The following LRIG1 variants were observed in gnomAD, a reference collection of about 807,000 sequenced individuals.
LRIG1 encodes leucine-rich repeats and immunoglobulin-like domains protein 1.
In LRIG1, 48 loss-of-function variants were observed where a neutral mutation model predicts 99.2. The ratio of observed to expected loss-of-function variants is 0.48; its 90% CI spans 0.38 to 0.62. LRIG1 has a LOEUF of 0.62. LRIG1 is among the 20% of genes least tolerant of loss of function. LRIG1 has a pLI of 0.00. For synonymous variants in LRIG1, 772 were observed against 596.1 expected (o/e 1.29, Z -4.30); for missense variants, 1,646 against 1,434.4 (o/e 1.15, Z -2.38).
At position 66,481,541 on chromosome 3, in the gene LRIG1, G is replaced by A. The variant is rs569001953; in HGVS notation, c.218+18649C>T. Among the ~76,000 whole-genome samples, 127 of 150,922 alleles carry A rather than the reference G, an allele frequency of 8.4e-4. 1 individual carries two copies. In the Middle Eastern group the frequency reaches 0.01, roughly 12 times the overall value. ...TATGTACACACACACACACACACAC[G>A]TGTATACACACACGCATGCACACAG... On this transcript the variant is annotated intron_variant, in intron 1 of 18. Coordinates refer to ENST00000273261, the MANE Select transcript of LRIG1 (RefSeq NM_015541.3).
chr3:66,453,860 C>T (rs1358757467), intron 2 of LRIG1, among the ~76,000 whole-genome samples: 1 of 152,222 alleles, frequency 6.6e-6, no homozygotes, highest in Non-Finnish European at 1.5e-5. Context: ...GGGGCTACGC[C>T]TGATGAGCCT....
intron 3 of LRIG1, among the ~76,000 whole-genome samples, chr3:66,445,104 T>C (rs1405640615): frequency 1.3e-5 from 2 of 152,062 alleles, no homozygotes; most frequent in Non-Finnish European, 2.9e-5. Flanking sequence ...CTGGGCCTTT[T>C]AAAACAGCTT....
Position 66,405,626 on chromosome 3 carries a change from G to T in LRIG1, c.1080-348C>A, listed in dbSNP as rs942082151. On this transcript the variant is annotated intron_variant, in intron 8 of 18. Coordinates refer to ENST00000273261, the MANE Select transcript of LRIG1 (RefSeq NM_015541.3). ...CCAGCACTGAGAATCAACCCAAAAGGTTCCTTAAGGCTCCCGTCTGCTCTC... is the reference window on the plus strand; with the variant it reads ...CCAGCACTGAGAATCAACCCAAAAGTTTCCTTAAGGCTCCCGTCTGCTCTC... The T allele has an allele frequency of 1.6e-5, 12 of 764,330 alleles. No individual in the cohort carries two copies. In the East Asian group the frequency reaches 4.2e-4, roughly 27 times the overall value. The allele number at this position is 764,330 out of a possible 1,614,324, so 47.3% of individuals were successfully genotyped here.
intron 1 of LRIG1, among the ~76,000 whole-genome samples, chr3:66,494,080 T>C (rs989563073): frequency 4.6e-5 from 7 of 152,184 alleles, no homozygotes; most frequent in East Asian, 3.9e-4. Flanking sequence ...GGATAATAAA[T>C]TGGAGCTACT....
Position 66,380,449 on chromosome 3 carries a change from G to C in LRIG1, c.3096C>G (p.Asp1032Glu). 2 of 1,614,174 alleles carry C rather than the reference G, an allele frequency of 1.2e-6. No homozygotes were observed. Among genetic ancestry groups the C allele is most frequent in the Non-Finnish European group, 1.7e-6 (2 of 1,180,034 alleles). The change falls in exon 19 of 19, where the codon GAC becomes GAG. Residue 1032 changes from aspartate (D) to glutamate (E), a missense_variant. By Grantham distance (45) the Asp-to-Glu change is conservative. Transcript: ENST00000273261. ...AAGATGCAGGCTGTAGCTCTGTGGAGTCCGGGTGATACAACCTTGCTAAAG... is the reference window on the plus strand; with the variant it reads ...AAGATGCAGGCTGTAGCTCTGTGGACTCCGGGTGATACAACCTTGCTAAAG... ...SWTLARLYHP[D>E]STELQPASSL...
chr3:66,427,764 C>T (rs1292513388), intron 3 of LRIG1, among the ~76,000 whole-genome samples: 7 of 152,242 alleles, frequency 4.6e-5, no homozygotes, highest in Admixed American at 2.0e-4. Flanking sequence ...GAAAAATTTC[C>T]GCACCCAGAA....
rs2279289 is a variant in LRIG1 at position 66,380,654 on chromosome 3, C to A, written c.2978G>T (p.Gly993Val). ...TAAGSCPECQGSLYPSNHDRM... is the reference protein window; with the variant it reads ...TAAGSCPECQVSLYPSNHDRM... ...ATCGTGGTTACTGGGGTAGAGCGAC[C>A]CTTGGCACTCGGGGCAGGACCCAGC... The change falls in exon 18 of 19, where the codon GGG becomes GTG. Residue 993 changes from glycine to valine, a missense_variant. Physicochemically the swap from Gly to Val is moderately radical, Grantham distance 109 (BLOSUM62 -3). Transcript: ENST00000273261. The A allele has an allele frequency of 6.2e-7, 1 of 1,614,064 alleles. No individual in the cohort carries two copies. Among genetic ancestry groups the A allele is most frequent in the East Asian group, 2.2e-5 (1 of 44,886 alleles).
intron 4 of LRIG1, among the ~76,000 whole-genome samples, chr3:66,415,680 C>T (rs774911534): frequency 1.4e-4 from 21 of 152,172 alleles, no homozygotes; most frequent in African/African-American, 5.1e-4. Flanking sequence ...GTGATTAAGT[C>T]GGGGCATCTC....
chr3:66,478,395 G>C (rs1176859311), intron 1 of LRIG1, among the ~76,000 whole-genome samples: 5 of 152,152 alleles, frequency 3.3e-5, no homozygotes, highest in Admixed American at 6.5e-5. Flanking sequence ...AGAAAGCAGT[G>C]TCCTGGATAC....
At chr3:66,457,426 G>A (rs1042411271) in intron 2 of LRIG1, among the ~76,000 whole-genome samples, 4 of 152,026 alleles carry the variant, frequency 2.6e-5, no homozygotes, top group African/African-American at 7.3e-5. Context: ...CACAGAACAG[G>A]GAGTGACACT....
At chr3:66,413,874 C>A (rs867853393) in intron 5 of LRIG1, among the ~76,000 whole-genome samples, 3 of 152,190 alleles carry the variant, frequency 2.0e-5, no homozygotes, top group African/African-American at 7.2e-5. Flanking sequence ...GTGCCGCCAA[C>A]CTGGCCCTCG....
chr3:66,401,497 A>C (rs2107990198), intron 9 of LRIG1: 1 of 650,080 alleles, frequency 1.5e-6, no homozygotes, highest in East Asian at 3.1e-5. Context: ...CCTGTTTTAC[A>C]ATGAGGGCAG....
intron 3 of LRIG1, among the ~76,000 whole-genome samples, chr3:66,443,600 C>T (rs527400981): frequency 1.3e-5 from 2 of 152,304 alleles, no homozygotes; most frequent in East Asian, 1.9e-4. Flanking sequence ...CCATCAGTGA[C>T]GGGCAGTGAG....
intron 8 of LRIG1, chr3:66,406,511 G>C (rs540920361): frequency 4.0e-6 from 3 of 755,874 alleles, no homozygotes; most frequent in Non-Finnish European, 4.8e-6. Context: ...TCTGCCAGGT[G>C]CAAGTGCAAA....
intron 12 of LRIG1, among the ~76,000 whole-genome samples, chr3:66,392,976 G>A (rs1701685031): frequency 6.6e-6 from 1 of 152,230 alleles, no homozygotes; most frequent in Admixed American, 6.5e-5. Flanking sequence ...CATGTTCGCA[G>A]TGGGTTTAAG....
Position 66,382,361 on chromosome 3 carries a change from G to A in LRIG1, c.2529C>T (p.Leu843=). Residue 843 remains leucine (L), a synonymous_variant, in exon 16 of 19, where the codon CTC becomes CTT. Transcript: ENST00000273261. The part of the protein sequence containing the change: ...TVVPPDVPSY[L]SSQGTLSDRQ... ...GGTCAGAAAGGGTCCCCTGAGAAGAGAGGTAGCTTGGAACATCTGGTGGCA... is the reference window on the plus strand; with the variant it reads ...GGTCAGAAAGGGTCCCCTGAGAAGAAAGGTAGCTTGGAACATCTGGTGGCA... The A allele has an allele frequency of 6.2e-7, 1 of 1,614,212 alleles. No individual in the cohort carries two copies. The highest frequency in any genetic ancestry group is 8.5e-7 in the Non-Finnish European group (1 of 1,180,026).
Position 66,412,964 on chromosome 3 carries a change from C to T in LRIG1, c.698G>A (p.Gly233Glu), listed in dbSNP as rs138265012. 402 of 1,614,192 alleles carry T rather than the reference C, an allele frequency of 2.5e-4. No homozygotes were observed. Among genetic ancestry groups the T allele is most frequent in the Non-Finnish European group, 2.9e-4 (339 of 1,180,022 alleles). The change falls in exon 6 of 19, where the codon GGG becomes GAG. Residue 233 changes from glycine (G) to glutamate (E), a missense_variant. Physicochemically the swap from Gly to Glu is moderately conservative, Grantham distance 98. Transcript: ENST00000273261. Reference sequence around the variant, plus strand: ...CTTCAGCACCTCCAAGCTGTTGAGCCCCTGGAAGGTGAGGCCCTCTATCAG... The same window carrying T: ...CTTCAGCACCTCCAAGCTGTTGAGCTCCTGGAAGGTGAGGCCCTCTATCAG... The part of the protein sequence containing the change: ...IRLIEGLTFQ[G>E]LNSLEVLKLQ...
chr3:66,435,970 G>C (rs142215955), intron 3 of LRIG1, among the ~76,000 whole-genome samples: 1 of 152,210 alleles, frequency 6.6e-6, no homozygotes, highest in East Asian at 1.9e-4. Context: ...AACTTACACA[G>C]TATGACTGAG....
intron 3 of LRIG1, among the ~76,000 whole-genome samples, chr3:66,447,082 T>A (rs1018708529): frequency 3.3e-5 from 5 of 152,168 alleles, no homozygotes; most frequent in Admixed American, 1.3e-4. Context: ...AATTTTCTGA[T>A]TTTTTTGTGA....
Sources: gnomAD v4.1 joint callset for allele counts (sites outside exome capture counted in the v4.1 genomes callset) on GRCh38, gnomAD v4.1.1 for gene constraint, MANE v1.5 for transcripts, NCBI Gene and HGNC (gene_info 2026-07-23, HGNC 2026-07-21) for gene names.